Variants in TSNARE1 observed in about 807,000 individuals in gnomAD.
TSNARE1 encodes the protein t-SNARE domain-containing protein 1.
In TSNARE1, 49 loss-of-function variants were observed where a neutral mutation model predicts 62.0. The ratio of observed to expected loss-of-function variants is 0.79; its 90% confidence interval spans 0.63 to 1.00. The LOEUF (loss-of-function observed/expected upper bound fraction) is 1.00, where lower values mean the gene tolerates loss of function less well. Among genes scored for constraint, TSNARE1 ranks in the 50% least tolerant of loss-of-function variants. The pLI is 0.00. For missense variants in TSNARE1, 755 were observed against 700.1 expected, an observed-to-expected ratio of 1.08 and a Z score of -0.88; for synonymous variants, 328 against 294.4, an observed-to-expected ratio of 1.11 and a Z score of -1.17.
Position 142,360,833 on chromosome 8 carries a change from G to A in TSNARE1, c.-39-6070C>T, listed in dbSNP as rs376454618. Among the ~76,000 whole-genome samples, 3 of 152,340 alleles carry A rather than the reference G, an allele frequency of 2.0e-5. No individual in the cohort carries two copies. In the East Asian group the frequency reaches 5.8e-4, roughly 29 times the overall value. On this transcript the variant is annotated intron_variant, in intron 1 of 13. Transcript: ENST00000524325. Reference sequence around the variant, plus strand: ...CACACCCACTGCCCACCGGGCTCCCGGCTCCAGCTCTGGGGCTCAGTCCCC... The same window carrying A: ...CACACCCACTGCCCACCGGGCTCCCAGCTCCAGCTCTGGGGCTCAGTCCCC...
chr8:142,213,120 T>G, intron 13 of TSNARE1, among the ~76,000 whole-genome samples: 1 of 5,544 alleles, frequency 1.8e-4, no homozygotes, highest in Admixed American at 2.1e-3. Flanking sequence ...CCTCCCCACC[T>G]TCTCTCCAAT....
intron 12 of TSNARE1, among the ~76,000 whole-genome samples, chr8:142,267,273 G>A (rs376899492): frequency 1.3e-5 from 2 of 152,170 alleles, no homozygotes; most frequent in East Asian, 3.8e-4. Flanking sequence ...GGCCTGACTA[G>A]GGGATCTTTT....
At chr8:142,367,502 G>A (rs1835638924) in intron 1 of TSNARE1, among the ~76,000 whole-genome samples, 1 of 146,032 alleles carries the variant, frequency 6.8e-6, no homozygotes, top group Non-Finnish European at 1.5e-5. Context: ...ACAGAAAGCA[G>A]ACAGATGGAC....
Position 142,300,552 on chromosome 8 carries a change from G to C in TSNARE1, c.1224C>G (p.Leu408=). Residue 408 remains leucine (L), a synonymous_variant, in exon 10 of 14, where the codon CTC becomes CTG. Coordinates refer to ENST00000524325, the MANE Select transcript of TSNARE1 (RefSeq NM_145003.5). Reference sequence around the variant, plus strand: ...CCAGGTCCTCTTCAGTGATGTCCGGGAGCAGCGCCTGCTCCTGGCCCTGCC... The same window carrying C: ...CCAGGTCCTCTTCAGTGATGTCCGGCAGCAGCGCCTGCTCCTGGCCCTGCC... ...NMWQGQEQAL[L]PDITEEDLEA... 6.2e-7 allele frequency: 1 copy of C among 1,612,606 alleles called. No homozygotes were observed. The highest frequency in any genetic ancestry group is 8.5e-7 in the Non-Finnish European group (1 of 1,179,990).
chr8:142,405,593 G>C (rs2131560388), upstream of TSNARE1: 1 of 152,384 alleles, frequency 6.6e-6, no homozygotes, highest in East Asian at 1.9e-4. Flanking sequence ...GCCAACCTCA[G>C]AAATGCTCCC....
At chr8:142,273,503 C>A in intron 12 of TSNARE1, 2 of 985,418 alleles carry the variant, frequency 2.0e-6, no homozygotes, top group Non-Finnish European at 2.4e-6. Context: ...GGAGACCCAG[C>A]CCCAGCCTTG....
At chr8:142,365,582 A>G (rs1388989950) in intron 1 of TSNARE1, among the ~76,000 whole-genome samples, 1 of 149,102 alleles carries the variant, frequency 6.7e-6, no homozygotes, top group African/African-American at 2.5e-5. Context: ...GAGAAAAACC[A>G]TCCATAAACA....
chr8:142,223,043 C>CTCATTCACTCATTCACTCACTCACTCAT (rs1563756587), intron 13 of TSNARE1, among the ~76,000 whole-genome samples: 1 of 40,756 alleles, frequency 2.5e-5, no homozygotes, highest in Non-Finnish European at 4.7e-5. Flanking sequence ...CATTCACTCA[C>CTCATTCACTCATTCACTCACTCACTCAT]TCACTCATTC....
At chr8:142,380,875 T>C (rs970444151) in intron 1 of TSNARE1, among the ~76,000 whole-genome samples, 2 of 151,888 alleles carry the variant, frequency 1.3e-5, no homozygotes, top group Admixed American at 6.6e-5. Flanking sequence ...ATAAAGTCCT[T>C]TTAAGAAATA....
chr8:142,331,728 C>T (rs1226211123), intron 5 of TSNARE1, 26 bp downstream of exon 5: 1 of 1,571,442 alleles, frequency 6.4e-7, no homozygotes, highest in Non-Finnish European at 8.6e-7. Context: ...GATGGAGGGG[C>T]AGGCCCAGGC....
intron 11 of TSNARE1, chr8:142,275,280 G>A (rs77996094): frequency 0.011 from 10,897 of 985,442 alleles, 139 homozygotes; most frequent in Admixed American, 0.082. Context: ...GTGGAGTTGC[G>A]ACGCGGCTGA....
At chr8:142,368,390 G>A (rs551668221) in intron 1 of TSNARE1, among the ~76,000 whole-genome samples, 5 of 152,152 alleles carry the variant, frequency 3.3e-5, no homozygotes, top group South Asian at 2.1e-4. Context: ...ATACTGGTTC[G>A]GAGAGTTCCC....
Position 142,345,837 on chromosome 8 carries a change from T to C in TSNARE1, c.144A>G (p.Pro48=). 6.2e-7 allele frequency: 1 copy of C among 1,614,016 alleles called. No homozygotes were observed. Among genetic ancestry groups the C allele is most frequent in the Non-Finnish European group, 8.5e-7 (1 of 1,179,932 alleles). Reference sequence around the variant, plus strand: ...CACAGCGGTTCTGCAGCTTGCTCTCTGGCGACGGGCAGGGGAAATGGCGGA... The same window carrying C: ...CACAGCGGTTCTGCAGCTTGCTCTCCGGCGACGGGCAGGGGAAATGGCGGA... ...YGIRHFPCPS[P]ESKLQNRCVG... is the part of the protein sequence containing the mutation. The change falls in exon 3 of 14, where the codon CCA becomes CCG. Residue 48 remains proline (P), a synonymous_variant. Coordinates refer to ENST00000524325, the MANE Select transcript of TSNARE1 (RefSeq NM_145003.5).
intron 12 of TSNARE1, among the ~76,000 whole-genome samples, chr8:142,272,331 T>C (rs1428403199): frequency 4.9e-5 from 7 of 143,322 alleles, no homozygotes; most frequent in Admixed American, 4.2e-4. Flanking sequence ...CACCCGCCCG[T>C]CTACACCTTC....
intron 2 of TSNARE1, among the ~76,000 whole-genome samples, chr8:142,350,853 C>T (rs541624320): frequency 6.6e-6 from 1 of 152,294 alleles, no homozygotes; most frequent in East Asian, 1.9e-4. Flanking sequence ...TGGAGGGAAG[C>T]CAGAGACAGA....
chr8:142,253,914 A>G (rs1818301183), intron 12 of TSNARE1, among the ~76,000 whole-genome samples: 1 of 152,210 alleles, frequency 6.6e-6, no homozygotes, highest in Non-Finnish European at 1.5e-5. Flanking sequence ...CCCCCGACCC[A>G]GGGCTGCCCA....
chr8:142,372,604 C>T (rs916590627), intron 1 of TSNARE1, among the ~76,000 whole-genome samples: 3 of 152,162 alleles, frequency 2.0e-5, no homozygotes, highest in African/African-American at 7.2e-5. Flanking sequence ...TGCCTGGGGG[C>T]ACCCCTGGCA....
At chr8:142,346,691 G>C (rs879707021) in intron 2 of TSNARE1, among the ~76,000 whole-genome samples, 5 of 152,224 alleles carry the variant, frequency 3.3e-5, no homozygotes, top group Admixed American at 2.0e-4. Flanking sequence ...GGATGCTGCT[G>C]GCTTGGAAGC....
Position 142,344,039 on chromosome 8 carries a change from C to A in TSNARE1, c.672G>T (p.Val224=). ...AGAAGGTCTTGGCCACCACCTGCTC[C>A]ACGGGCGTGAGAGCCAGGGCCTGGG... The part of the protein sequence containing the change: ...GKPQALALTP[V]EQVVAKTFSC... The change falls in exon 4 of 14, where the codon GTG becomes GTT. Residue 224 remains valine, a synonymous_variant. Transcript: ENST00000524325. The A allele has an allele frequency of 1.9e-6, 3 of 1,584,616 alleles. No individual in the cohort carries two copies. Among genetic ancestry groups the A allele is most frequent in the African/African-American group, 2.7e-5 (2 of 74,400 alleles).
Sources: allele counts gnomAD v4.1 joint callset (sites outside exome capture counted in the v4.1 genomes callset), GRCh38; gene constraint gnomAD v4.1.1; transcripts MANE v1.5; gene names NCBI Gene and HGNC (gene_info 2026-07-23, HGNC 2026-07-21).